Variants in IFIH1 observed in about 807,000 individuals in gnomAD.
IFIH1 encodes interferon induced with helicase C domain 1, also known as interferon-induced helicase C domain-containing protein 1.
Under a neutral mutation model 107.4 loss-of-function variants are expected in IFIH1, and 125 were observed. That is an observed-to-expected ratio of 1.16 (90% CI 1.01 to 1.35). IFIH1 has a LOEUF of 1.35. Ranked by LOEUF, IFIH1 falls within the 40% of genes most tolerant of loss-of-function variation. IFIH1 has a pLI of 0.00. For synonymous variants in IFIH1, 458 were observed against 413.2 expected (o/e 1.11, Z -1.31); for missense variants, 1,333 against 1,213.7 (o/e 1.10, Z -1.46).
In IFIH1 at chr2:162,318,160, C is replaced by A; in HGVS notation, c.148G>T (p.Val50Phe). 1 of 1,614,208 alleles carries A rather than the reference C, an allele frequency of 6.2e-7. No homozygotes were observed. Among genetic ancestry groups the A allele is most frequent in the African/African-American group, 1.3e-5 (1 of 75,056 alleles). The change falls in exon 1 of 16, where the codon GTC (valine) becomes TTC (phenylalanine). Residue 50 changes from valine (V) to phenylalanine (F), a missense_variant. Coordinates refer to ENST00000649979, the MANE Select transcript of IFIH1 (RefSeq NM_022168.4). ...GCCTGCATGTTCCCGGAGGTGGCGA[C>A]TGTCCTCTGAATCTGCTCCTTCACC... is the stretch of plus-strand genomic sequence containing the variant. ...AEVKEQIQRT[V>F]ATSGNMQAVE... is the part of the protein sequence containing the mutation.
At chr2:162,282,598 T>C in intron 5 of IFIH1, 22 bp from the exon 6 acceptor site, 1 of 1,540,406 alleles carries the variant, frequency 6.5e-7, no homozygotes, top group Non-Finnish European at 8.9e-7. Flanking sequence ...GTGAAGATTT[T>C]TTAAAAGAGA....
At chr2:162,278,607 G>A (rs917768481) in intron 8 of IFIH1, among the ~76,000 whole-genome samples, 3 of 152,074 alleles carry the variant, frequency 2.0e-5, no homozygotes, top group Non-Finnish European at 4.4e-5. Context: ...TATAAACCTT[G>A]TATGTTAAAG....
intron 3 of IFIH1, among the ~76,000 whole-genome samples, 175 bp from the exon 4 acceptor site, chr2:162,293,843 A>C (rs897500702): frequency 6.6e-6 from 1 of 151,904 alleles, no homozygotes; most frequent in East Asian, 1.9e-4. Context: ...AGAAAAATCC[A>C]CTATGGATGA....
rs754949509 is a variant in IFIH1, at chr2:162,306,896, C to G, written c.623-41G>C. The G allele has an allele frequency of 1.0e-5, 16 of 1,591,704 alleles. No homozygotes were observed. In the African/African-American group the frequency reaches 2.1e-4, roughly 21 times the overall value. On this transcript the variant is annotated intron_variant, in intron 2 of 15. Transcript: ENST00000649979. ...TTAGAATGCAAATCATAGTGCCATA[C>G]AAGTTTTTGTAGAGCATACATAACT...
intron 13 of IFIH1, among the ~76,000 whole-genome samples, chr2:162,270,667 G>A (rs942449245): frequency 6.6e-6 from 1 of 152,124 alleles, no homozygotes; most frequent in Non-Finnish European, 1.5e-5. Flanking sequence ...AAACTCCAGA[G>A]ATTGTCCTAG....
chr2:162,277,028 A>G, intron 10 of IFIH1, 82 bp from the exon 11 acceptor site: 1 of 966,046 alleles, frequency 1.0e-6, no homozygotes, highest in Non-Finnish European at 1.5e-6. Flanking sequence ...AACATTTTGT[A>G]CACCAAAAAT....
chr2:162,308,737 G>A (rs974426434), intron 2 of IFIH1, among the ~76,000 whole-genome samples: 6 of 152,104 alleles, frequency 3.9e-5, no homozygotes, highest in African/African-American at 1.4e-4. Context: ...GTCATATTAG[G>A]TTCCAACATA....
intron 2 of IFIH1, among the ~76,000 whole-genome samples, chr2:162,309,989 C>T (rs1683361941): frequency 6.6e-6 from 1 of 152,128 alleles, no homozygotes; most frequent in South Asian, 2.1e-4. Flanking sequence ...TCACCCTGAA[C>T]ACCCATATTT....
chr2:162,299,359 G>C (rs1683151984), intron 3 of IFIH1, among the ~76,000 whole-genome samples: 1 of 152,204 alleles, frequency 6.6e-6, no homozygotes. Flanking sequence ...TTTCAGGAAA[G>C]GCTGTAGGAG....
chr2:162,279,990 C>T lies in IFIH1; in HGVS notation c.1641+6G>A, dbSNP rs1558866937. On this transcript the variant is annotated splice_donor_region_variant and intron_variant, in intron 8 of 15. Transcript: ENST00000649979. The stretch of plus-strand genomic sequence containing the variant: ...AATCAATAGATATAAAACATTAAGC[C>T]CATACTTCTCTGGTTGCATCTGCAA... 7 of 1,449,076 alleles carry T rather than the reference C, an allele frequency of 4.8e-6. No individual in the cohort carries two copies. In the East Asian group the frequency reaches 9.1e-5, roughly 19 times the overall value. 89.8% of individuals were successfully genotyped at this position (1,449,076 alleles called of 1,614,324 possible). A position where few individuals can be genotyped will look rare whatever the true frequency, so the allele number is the denominator to read the frequency against.
chr2:162,287,556 A>G (rs1682918519), intron 5 of IFIH1, among the ~76,000 whole-genome samples: 1 of 151,774 alleles, frequency 6.6e-6, no homozygotes, highest in Non-Finnish European at 1.5e-5. Flanking sequence ...TAATATGTGT[A>G]TATTTTATAT....
rs188797128 is a variant in IFIH1, at chr2:162,297,490, A to G, written c.770-3822T>C. Among the ~76,000 whole-genome samples the G allele has an allele frequency of 3.6e-3, 542 of 152,270 alleles. 5 individuals are homozygous for G. The highest frequency in any genetic ancestry group is 0.013 in the African/African-American group (527 of 41,560). On this transcript the variant is annotated intron_variant, in intron 3 of 15. Transcript: ENST00000649979. Reference sequence around the variant, plus strand: ...TAACCTTCTGTTTTAAAAAATATATAGAGAGAGATAGTAGTCTCTATTTTC... The same window carrying G: ...TAACCTTCTGTTTTAAAAAATATATGGAGAGAGATAGTAGTCTCTATTTTC...
At chr2:162,294,223 T>C (rs951182183) in intron 3 of IFIH1, among the ~76,000 whole-genome samples, 1 of 151,962 alleles carries the variant, frequency 6.6e-6, no homozygotes, top group Non-Finnish European at 1.5e-5. Context: ...TAGAAGCTCA[T>C]GTGAGGTTGG....
At chr2:162,287,934 T>C (rs1321929460) in intron 5 of IFIH1, among the ~76,000 whole-genome samples, 2 of 151,976 alleles carry the variant, frequency 1.3e-5, no homozygotes, top group Admixed American at 6.6e-5. Context: ...CCTAGTTTTA[T>C]TGAAAAATTT....
At chr2:162,270,875 T>G (rs890138136) in intron 13 of IFIH1, among the ~76,000 whole-genome samples, 30 of 152,204 alleles carry the variant, frequency 2.0e-4, no homozygotes, top group Admixed American at 1.0e-3. Flanking sequence ...TGCAGAAACC[T>G]GGTCAGGAAA....
intron 11 of IFIH1, 73 bp from the exon 12 acceptor site, chr2:162,274,017 T>G: frequency 1.9e-6 from 2 of 1,031,274 alleles, no homozygotes; most frequent in Middle Eastern, 4.4e-4. Context: ...GAGGAAGAAA[T>G]AATAAATTGC....
intron 1 of IFIH1, among the ~76,000 whole-genome samples, chr2:162,314,483 T>TCTTG (rs1683450539): frequency 8.1e-6 from 1 of 123,620 alleles, no homozygotes. Flanking sequence ...TTTCTTTCTT[T>TCTTG]CTTTTTCTTT....
chr2:162,284,399 A>C (rs1036495913), intron 5 of IFIH1, among the ~76,000 whole-genome samples: 3 of 151,990 alleles, frequency 2.0e-5, no homozygotes. Context: ...CTCAATTTCC[A>C]GATTAATAAA....
chr2:162,273,551 G>A (rs979480195), intron 12 of IFIH1, among the ~76,000 whole-genome samples: 1 of 152,096 alleles, frequency 6.6e-6, no homozygotes, highest in Non-Finnish European at 1.5e-5. Context: ...GAAAGCCTTA[G>A]GGTACAGAAA....
Sources: gnomAD v4.1 joint callset for allele counts (sites outside exome capture counted in the v4.1 genomes callset) on GRCh38, gnomAD v4.1.1 for gene constraint, MANE v1.5 for transcripts, NCBI Gene and HGNC (gene_info 2026-07-23, HGNC 2026-07-21) for gene names.